Variants in CMIP observed in about 807,000 individuals in gnomAD.
CMIP encodes the protein c-Maf inducing protein.
CMIP carries 13 observed loss-of-function variants against 97.3 expected under a neutral mutation model. The observed-to-expected ratio is 0.13, with a 90% CI of 0.09 to 0.21. CMIP has a LOEUF of 0.21. Ranked by LOEUF, CMIP falls within the 10% of genes least tolerant of loss-of-function variation. The pLI, the probability that CMIP is intolerant of heterozygous loss-of-function variation, is 1.00. For missense variants in CMIP, 847 were observed against 1,024.9 expected (o/e 0.83, Z 2.37); for synonymous variants, 538 against 436.3 (o/e 1.23, Z -2.91).
chr16:81,546,457 C>T (rs907377063), intron 1 of CMIP, among the ~76,000 whole-genome samples: 1 of 152,150 alleles, frequency 6.6e-6, no homozygotes, highest in Admixed American at 6.5e-5. Flanking sequence ...GACAGTTTTC[C>T]TGAGGCTTGG....
At chr16:81,479,669 A>G (rs1026161650) in intron 1 of CMIP, among the ~76,000 whole-genome samples, 2 of 152,150 alleles carry the variant, frequency 1.3e-5, no homozygotes, top group Admixed American at 6.5e-5. Context: ...GATTTACATA[A>G]CATAAAATCA....
intron 1 of CMIP, among the ~76,000 whole-genome samples, chr16:81,515,821 C>A (rs1044590461): frequency 6.6e-6 from 1 of 152,106 alleles, no homozygotes; most frequent in African/African-American, 2.4e-5. Context: ...GGATTCAACC[C>A]GTGGGAGGAG....
chr16:81,672,863 C>T (rs182588736), intron 9 of CMIP, among the ~76,000 whole-genome samples: 1 of 152,354 alleles, frequency 6.6e-6, no homozygotes, highest in African/African-American at 2.4e-5. Flanking sequence ...CAGGCATGAG[C>T]CATTGCATCT....
chr16:81,607,761 C>G, intron 2 of CMIP, 69 bp downstream of exon 2: 5 of 1,533,110 alleles, frequency 3.3e-6, no homozygotes, highest in Non-Finnish European at 4.5e-6. Context: ...CCCTCGTTTC[C>G]CTTGGAGGGA....
chr16:81,585,047 A>G (rs1018910240), intron 1 of CMIP, among the ~76,000 whole-genome samples: 2 of 152,250 alleles, frequency 1.3e-5, no homozygotes, highest in African/African-American at 4.8e-5. Flanking sequence ...AACCACATGT[A>G]AATGTACAGT....
At chr16:81,645,814 C>A in intron 3 of CMIP, 1 of 594,796 alleles carries the variant, frequency 1.7e-6, no homozygotes, top group Non-Finnish European at 3.0e-6. Context: ...GCTGTTTAGC[C>A]AGGAACTGAG....
intron 1 of CMIP, among the ~76,000 whole-genome samples, chr16:81,539,639 C>T (rs1232766501): frequency 6.6e-6 from 1 of 152,304 alleles, no homozygotes; most frequent in Non-Finnish European, 1.5e-5. Flanking sequence ...TCCTACCCTG[C>T]GTCCTGTTTC....
At chr16:81,594,707 G>A (rs1407598040) in intron 1 of CMIP, among the ~76,000 whole-genome samples, 2 of 151,648 alleles carry the variant, frequency 1.3e-5, no homozygotes, top group African/African-American at 4.8e-5. Flanking sequence ...TCTGCCTCCC[G>A]GGTTCATGCC....
At chr16:81,620,711 G>A (rs956256767) in intron 2 of CMIP, 165 bp from the exon 3 acceptor site, 4 of 743,170 alleles carry the variant, frequency 5.4e-6, no homozygotes, top group African/African-American at 1.8e-5. Context: ...TTTTGGTTTT[G>A]CACACAACAG....
At chr16:81,704,130 C>T in intron 18 of CMIP, 45 bp downstream of exon 18, 1 of 1,541,604 alleles carries the variant, frequency 6.5e-7, no homozygotes, top group Non-Finnish European at 8.8e-7. Flanking sequence ...CCTCCTCCTT[C>T]ACCTCTGCAC....
chr16:81,546,238 A>G (rs989645258), intron 1 of CMIP, among the ~76,000 whole-genome samples: 5 of 152,156 alleles, frequency 3.3e-5, no homozygotes, highest in South Asian at 2.1e-4. Flanking sequence ...GAGTCAAGAG[A>G]AGACAGACTT....
intron 3 of CMIP, among the ~76,000 whole-genome samples, chr16:81,640,364 G>C (rs1237640760): frequency 1.3e-5 from 2 of 149,004 alleles, no homozygotes; most frequent in Non-Finnish European, 3.0e-5. Context: ...AACCACAGTT[G>C]CAGAGGGCCC....
At chr16:81,530,702 G>A (rs970959729) in intron 1 of CMIP, among the ~76,000 whole-genome samples, 1 of 152,186 alleles carries the variant, frequency 6.6e-6, no homozygotes, top group African/African-American at 2.4e-5. Context: ...CGAGGCTTCT[G>A]TGTCACCGGG....
intron 1 of CMIP, among the ~76,000 whole-genome samples, chr16:81,561,980 T>C (rs2090892145): frequency 6.6e-6 from 1 of 152,098 alleles, no homozygotes. Context: ...GAGAGAAGGC[T>C]GATAAATACC....
At chr16:81,565,783 T>C (rs2090970311) in intron 1 of CMIP, among the ~76,000 whole-genome samples, 1 of 152,206 alleles carries the variant, frequency 6.6e-6, no homozygotes. Context: ...CAACACACAC[T>C]GATTGGCTTT....
chr16:81,544,731 ATG>A (rs144782842), intron 1 of CMIP, among the ~76,000 whole-genome samples: 5 of 148,048 alleles, frequency 3.4e-5, no homozygotes, highest in Admixed American at 6.7e-5. Context: ...GTATATGTGC[ATG>A]TGTGTGTGTG....
At chr16:81,539,917 C>A (rs537795410) in intron 1 of CMIP, among the ~76,000 whole-genome samples, 2 of 152,226 alleles carry the variant, frequency 1.3e-5, no homozygotes, top group Non-Finnish European at 2.9e-5. Flanking sequence ...TGTCTCTCTA[C>A]GTGCTCCGTG....
chr16:81,571,057 A>G (rs1452313381), intron 1 of CMIP, among the ~76,000 whole-genome samples: 4 of 152,220 alleles, frequency 2.6e-5, no homozygotes, highest in African/African-American at 9.7e-5. Context: ...AATTCACCAC[A>G]CTAATGTCAG....
intron 3 of CMIP, among the ~76,000 whole-genome samples, chr16:81,648,014 C>G (rs959939839): frequency 2.4e-5 from 3 of 123,320 alleles, no homozygotes; most frequent in Non-Finnish European, 5.0e-5. Context: ...ACCCTCCCCC[C>G]GCACCCGCAG....
Sources: allele counts gnomAD v4.1 joint callset (sites outside exome capture counted in the v4.1 genomes callset), GRCh38; gene constraint gnomAD v4.1.1; transcripts MANE v1.5; gene names NCBI Gene and HGNC (gene_info 2026-07-23, HGNC 2026-07-21).